Variants in HMGA2 observed in about 807,000 individuals in gnomAD.
HMGA2 encodes the protein high mobility group AT-hook 2.
HMGA2 carries 8 observed loss-of-function variants against 19.1 expected under a neutral mutation model. That is an observed-to-expected ratio of 0.42 (90% CI 0.25 to 0.76). The LOEUF (loss-of-function observed/expected upper bound fraction) is 0.76. Ranked by LOEUF, HMGA2 falls within the 30% of genes least tolerant of loss-of-function variation. The pLI, the probability that HMGA2 is intolerant of heterozygous loss-of-function variation, is 0.28. For missense variants in HMGA2, 109 were observed against 136.3 expected (o/e 0.80, Z 1.00); for synonymous variants, 60 against 48.8 (o/e 1.23, Z -0.96).
intron 3 of HMGA2, chr12:65,858,711 G>GCAATT (rs1871879071): frequency 1.3e-5 from 2 of 152,090 alleles, no homozygotes; most frequent in Admixed American, 1.3e-4. Context: ...TTGCAGTAAT[G>GCAATT]GTGAATGCTT....
chr12:65,914,908 C>T (rs776560522), intron 3 of HMGA2: 2 of 964,724 alleles, frequency 2.1e-6, no homozygotes, highest in East Asian at 2.6e-5. Flanking sequence ...CTCCTGACCT[C>T]AGGTGAGCCA....
chr12:65,907,124 C>T (rs1446131387), intron 3 of HMGA2, among the ~76,000 whole-genome samples: 3 of 151,922 alleles, frequency 2.0e-5, no homozygotes, highest in East Asian at 3.9e-4. Flanking sequence ...TTGCTGGGTG[C>T]GGTGGCTCAC....
At chr12:65,962,890 T>C (rs1371903746) in intron 4 of HMGA2, among the ~76,000 whole-genome samples, 2 of 152,180 alleles carry the variant, frequency 1.3e-5, no homozygotes, top group Admixed American at 1.3e-4. Flanking sequence ...TTAAAACTGA[T>C]GAATGGCATG....
At chr12:65,933,022 T>C (rs1432564904) in intron 3 of HMGA2, among the ~76,000 whole-genome samples, 1 of 152,186 alleles carries the variant, frequency 6.6e-6, no homozygotes, top group East Asian at 1.9e-4. Flanking sequence ...CTCTGTCCTA[T>C]ATATGCTAAG....
intron 3 of HMGA2, among the ~76,000 whole-genome samples, chr12:65,851,938 A>AAGAGGGAT (rs1871493143): frequency 6.6e-6 from 1 of 152,092 alleles, no homozygotes; most frequent in Admixed American, 6.5e-5. Flanking sequence ...TCTTATGTAA[A>AAGAGGGAT]AGAGGGATAA....
At chr12:65,910,129 T>A (rs886934433) in intron 3 of HMGA2, among the ~76,000 whole-genome samples, 1 of 152,146 alleles carries the variant, frequency 6.6e-6, no homozygotes, top group Non-Finnish European at 1.5e-5. Context: ...AAGACGAGGC[T>A]CCTGTCCACC....
intron 3 of HMGA2, among the ~76,000 whole-genome samples, chr12:65,931,551 T>TTGTGTGTGTG (rs60877869): frequency 2.6e-3 from 370 of 144,226 alleles, no homozygotes; most frequent in South Asian, 9.1e-3. Context: ...TTATAGATGT[T>TTGTGTGTGTG]TGTGTGTGTG....
At chr12:65,860,053 C>T in intron 3 of HMGA2, 1 of 452,684 alleles carries the variant, frequency 2.2e-6, no homozygotes, top group South Asian at 1.6e-5. Flanking sequence ...GACTGTGCTA[C>T]TGCACTCCAG....
chr12:65,882,915 A>G (rs1873491973), intron 3 of HMGA2, among the ~76,000 whole-genome samples: 2 of 152,218 alleles, frequency 1.3e-5, no homozygotes, highest in Non-Finnish European at 2.9e-5. Context: ...CAGATTGATT[A>G]TATGTTTTTG....
intron 3 of HMGA2, among the ~76,000 whole-genome samples, chr12:65,936,565 C>T (rs891377047): frequency 1.8e-4 from 27 of 152,270 alleles, no homozygotes; most frequent in African/African-American, 6.5e-4. Context: ...TGTAATCATT[C>T]ATCACAGTGG....
chr12:65,881,455 T>TAA (rs145784257), intron 3 of HMGA2: 2 of 465,990 alleles, frequency 4.3e-6, no homozygotes, highest in African/African-American at 1.9e-5. Flanking sequence ...AAGACTTGGC[T>TAA]AAAAAAAACC....
intron 3 of HMGA2, among the ~76,000 whole-genome samples, chr12:65,940,947 T>C (rs1876072219): frequency 6.6e-6 from 1 of 152,176 alleles, no homozygotes; most frequent in South Asian, 2.1e-4. Context: ...ATGATCGATA[T>C]CAACAAAATG....
At chr12:65,846,437 G>A (rs1232381361) in intron 3 of HMGA2, among the ~76,000 whole-genome samples, 4 of 152,190 alleles carry the variant, frequency 2.6e-5, no homozygotes, top group African/African-American at 9.7e-5. Flanking sequence ...AAAGAGTCCT[G>A]TTTGGGTGTT....
intron 3 of HMGA2, among the ~76,000 whole-genome samples, chr12:65,840,341 G>A (rs1040366597): frequency 6.6e-6 from 1 of 152,162 alleles, no homozygotes; most frequent in Non-Finnish European, 1.5e-5. Flanking sequence ...GGCCTCCACT[G>A]GGAAGACTCA....
chr12:65,927,145 C>T (rs546746664), intron 3 of HMGA2, among the ~76,000 whole-genome samples: 2 of 152,278 alleles, frequency 1.3e-5, no homozygotes, highest in East Asian at 3.9e-4. Flanking sequence ...AAACTGAGTT[C>T]CAGCCCTGGA....
intron 3 of HMGA2, among the ~76,000 whole-genome samples, chr12:65,863,800 C>A (rs1036824192): frequency 2.0e-5 from 3 of 152,138 alleles, no homozygotes; most frequent in African/African-American, 7.2e-5. Context: ...AGTATTCAAA[C>A]CTTTTGAAGG....
intron 3 of HMGA2, among the ~76,000 whole-genome samples, chr12:65,865,980 G>T (rs949026884): frequency 6.6e-6 from 1 of 152,114 alleles, no homozygotes; most frequent in Admixed American, 6.5e-5. Context: ...AGCTAGAGTT[G>T]CTGGCTAAAA....
At chr12:65,928,421 C>T (rs541167697) in intron 3 of HMGA2, among the ~76,000 whole-genome samples, 6 of 152,184 alleles carry the variant, frequency 3.9e-5, no homozygotes, top group Non-Finnish European at 8.8e-5. Context: ...TAGAACATTA[C>T]TGTACACTAT....
At chr12:65,923,229 A>G (rs763307662) in intron 3 of HMGA2, among the ~76,000 whole-genome samples, 10 of 152,208 alleles carry the variant, frequency 6.6e-5, no homozygotes, top group Non-Finnish European at 1.2e-4. Flanking sequence ...AAAAGAAGAA[A>G]AAAAAATCCC....
Sources: allele counts gnomAD v4.1 joint callset (sites outside exome capture counted in the v4.1 genomes callset), GRCh38; gene constraint gnomAD v4.1.1; transcripts MANE v1.5; gene names NCBI Gene and HGNC (gene_info 2026-07-23, HGNC 2026-07-21).